CADPS2: variants seen among roughly 807,000 people sequenced by gnomAD.
CADPS2 encodes calcium-dependent secretion activator 2.
Under a neutral mutation model 172.5 loss-of-function variants are expected in CADPS2, and 93 were observed. The ratio of observed to expected loss-of-function variants is 0.54; its 90% CI spans 0.46 to 0.64. The LOEUF (loss-of-function observed/expected upper bound fraction) is 0.64. Among genes scored for constraint, CADPS2 ranks in the 30% least tolerant of loss-of-function variants. The probability of loss-of-function intolerance (pLI) is 0.00; values close to 1 mark genes in which losing one functional copy is unlikely to be tolerated. For missense variants in CADPS2, 1,420 were observed against 1,565.9 expected, an observed-to-expected ratio of 0.91 and a Z score of 1.57; for synonymous variants, 546 against 555.2, an observed-to-expected ratio of 0.98 and a Z score of 0.23.
intron 19 of CADPS2, among the ~76,000 whole-genome samples, chr7:122,408,303 A>C (rs894500969): frequency 6.6e-6 from 1 of 152,142 alleles, no homozygotes; most frequent in Non-Finnish European, 1.5e-5. Context: ...TTATTTCTTT[A>C]GGATAAACTT....
chr7:122,508,406 T>C (rs1231630845), intron 9 of CADPS2, among the ~76,000 whole-genome samples: 1 of 145,898 alleles, frequency 6.9e-6, no homozygotes, highest in Non-Finnish European at 1.5e-5. Context: ...TTAAAGTACA[T>C]AAACTTATAA....
At chr7:122,719,690 G>A (rs114402998) in intron 2 of CADPS2, among the ~76,000 whole-genome samples, 29 of 151,950 alleles carry the variant, frequency 1.9e-4, no homozygotes, top group African/African-American at 5.8e-4. Context: ...GAATCAGGTC[G>A]GCAATTAAAT....
chr7:122,554,825 CCTA>C, intron 7 of CADPS2, 136 bp from the exon 8 acceptor site: 1 of 636,412 alleles, frequency 1.6e-6, no homozygotes, highest in Non-Finnish European at 2.5e-6. Context: ...AATTTGACTC[CCTA>C]CTACAATAGC....
intron 4 of CADPS2, among the ~76,000 whole-genome samples, chr7:122,622,712 G>A (rs917405132): frequency 1.3e-5 from 2 of 152,148 alleles, no homozygotes; most frequent in Non-Finnish European, 2.9e-5. Flanking sequence ...GACCACCAGT[G>A]CACAGAACCG....
At chr7:122,504,834 G>A (rs2059490350) in intron 9 of CADPS2, among the ~76,000 whole-genome samples, 1 of 152,038 alleles carries the variant, frequency 6.6e-6, no homozygotes, top group Non-Finnish European at 1.5e-5. Flanking sequence ...GGAGTAGCTG[G>A]GATTATAGGT....
At chr7:122,764,790 CT>C (rs5887114) in intron 1 of CADPS2, among the ~76,000 whole-genome samples, 1 of 152,086 alleles carries the variant, frequency 6.6e-6, no homozygotes, top group African/African-American at 2.4e-5. Context: ...AGGAAATGTA[CT>C]GCGTGCATCG....
chr7:122,534,501 T>G (rs1027049798), intron 8 of CADPS2, among the ~76,000 whole-genome samples: 3 of 152,088 alleles, frequency 2.0e-5, no homozygotes, highest in Admixed American at 2.0e-4. Context: ...AGTTATAAAT[T>G]GAGATATTCA....
At position 122,438,419 on chromosome 7, in the gene CADPS2, T is replaced by G; in HGVS notation, c.2398A>C (p.Lys800Gln). Reference sequence around the variant, plus strand: ...TCGAGACATTTTCTGACCACTTTCTTCACCTCTTCTGCTGGTATGGGAGTG... The same window carrying G: ...TCGAGACATTTTCTGACCACTTTCTGCACCTCTTCTGCTGGTATGGGAGTG... ...IATPIPAEEV[K>Q]KVVRKCLEKA... Residue 800 changes from lysine to glutamine, a missense_variant, in exon 17 of 30, where the codon AAG (lysine) becomes CAG (glutamine). Lys to Gln is a moderately conservative substitution (Grantham distance 53, BLOSUM62 1). Transcript: ENST00000449022. 6.2e-7 allele frequency: 1 copy of G among 1,613,194 alleles called. No individual in the cohort carries two copies. The highest frequency in any genetic ancestry group is 8.5e-7 in the Non-Finnish European group (1 of 1,179,408).
chr7:122,399,489 T>C (rs912650116), intron 20 of CADPS2, among the ~76,000 whole-genome samples: 2 of 152,010 alleles, frequency 1.3e-5, no homozygotes, highest in African/African-American at 4.8e-5. Flanking sequence ...CTCATGCTGT[T>C]TTTTAAATGA....
chr7:122,662,903 T>C (rs1393112665), intron 3 of CADPS2, among the ~76,000 whole-genome samples: 2 of 152,210 alleles, frequency 1.3e-5, no homozygotes, highest in Non-Finnish European at 2.9e-5. Context: ...TTATTATAAT[T>C]TGCCAAGCTT....
chr7:122,451,477 T>C lies in CADPS2; in HGVS notation c.2187-2A>G. 2 of 1,532,952 alleles carry C rather than the reference T, an allele frequency of 1.3e-6. No homozygotes were observed. The highest frequency in any genetic ancestry group is 1.8e-6 in the Non-Finnish European group (2 of 1,132,242). 95.0% of individuals were successfully genotyped at this position (1,532,952 alleles called of 1,614,324 possible). A position where few individuals can be genotyped will look rare whatever the true frequency, so the allele number is the denominator to read the frequency against. On this transcript the variant is annotated splice_acceptor_variant, in intron 14 of 29. Transcript: ENST00000449022. LOFTEE classifies it high-confidence loss of function. ...GAAACAGTCCCAATTCCATCAGGCCTGAAAAAAAAATCAGAATCAATAATT... is the reference window on the plus strand; with the variant it reads ...GAAACAGTCCCAATTCCATCAGGCCCGAAAAAAAAATCAGAATCAATAATT...
At chr7:122,780,569 C>T (rs1792422599) in intron 1 of CADPS2, among the ~76,000 whole-genome samples, 10 of 152,158 alleles carry the variant, frequency 6.6e-5, no homozygotes, top group Admixed American at 5.9e-4. Flanking sequence ...TGTTTGGAGA[C>T]AGGGTCTTCC....
At chr7:122,347,530 A>G (rs2037867879) in intron 27 of CADPS2, among the ~76,000 whole-genome samples, 2 of 152,160 alleles carry the variant, frequency 1.3e-5, no homozygotes, top group South Asian at 4.1e-4. Flanking sequence ...CTGATACAAC[A>G]ACATTAGCTG....
rs1299755578 is a variant in CADPS2, at chr7:122,537,172, GAAAAA to G, written c.1475+17373_1475+17377del. Among the ~76,000 whole-genome samples, 3 of 135,078 alleles carry G rather than the reference GAAAAA, an allele frequency of 2.2e-5. No homozygotes were observed. In the East Asian group the frequency reaches 6.4e-4, roughly 29 times the overall value. 88.6% of individuals were successfully genotyped at this position (135,078 alleles called of 152,430 possible). ...ACACTTGTACTCCAATCTTAAAAGT[GAAAAA>G]AAAAAGACTTTCAAGAAGCATGTAT... On this transcript the variant is annotated intron_variant, in intron 8 of 29. Coordinates refer to ENST00000449022, the MANE Select transcript of CADPS2 (RefSeq NM_017954.11).
chr7:122,852,750 C>T (rs764804318), intron 1 of CADPS2, among the ~76,000 whole-genome samples: 2 of 152,188 alleles, frequency 1.3e-5, no homozygotes, highest in East Asian at 3.9e-4. Flanking sequence ...TGGTGTGCCA[C>T]TATAAACACT....
intron 7 of CADPS2, among the ~76,000 whole-genome samples, chr7:122,569,054 G>C (rs1225383351): frequency 1.3e-5 from 2 of 152,068 alleles, no homozygotes; most frequent in African/African-American, 4.8e-5. Context: ...GAGAAAGAAA[G>C]AAAGTGTATC....
intron 1 of CADPS2, among the ~76,000 whole-genome samples, chr7:122,746,390 C>T (rs2138192271): frequency 6.6e-6 from 1 of 152,162 alleles, no homozygotes; most frequent in South Asian, 2.1e-4. Context: ...AAAAAAATAC[C>T]TGCCAACCCC....
chr7:122,601,721 A>G (rs1433935690), intron 6 of CADPS2, among the ~76,000 whole-genome samples: 4 of 151,970 alleles, frequency 2.6e-5, no homozygotes, highest in Non-Finnish European at 5.9e-5. Flanking sequence ...ACATAGACGT[A>G]CTCTTCCCAG....
chr7:122,337,116 T>C (rs1266960012), intron 28 of CADPS2, among the ~76,000 whole-genome samples: 1 of 152,164 alleles, frequency 6.6e-6, no homozygotes, highest in Non-Finnish European at 1.5e-5. Context: ...TAATTTAGCC[T>C]CCTGGGAGGG....
Sources: allele counts gnomAD v4.1 joint callset (sites outside exome capture counted in the v4.1 genomes callset), GRCh38; gene constraint gnomAD v4.1.1; transcripts MANE v1.5; gene names NCBI Gene and HGNC (gene_info 2026-07-23, HGNC 2026-07-21).